The following ZNF385D variants were observed in gnomAD, a reference collection of about 807,000 sequenced individuals.
ZNF385D encodes zinc finger protein 659.
A neutral mutation model predicts 35.8 loss-of-function variants in ZNF385D; 15 were observed. The observed-to-expected ratio is 0.42, with a 90% CI of 0.28 to 0.64. The LOEUF (loss-of-function observed/expected upper bound fraction) is 0.64, where lower values mean the gene tolerates loss of function less well. Ranked by LOEUF, ZNF385D falls within the 30% of genes least tolerant of loss-of-function variation. ZNF385D has a pLI of 0.23. For missense variants in ZNF385D, 474 were observed against 494.6 expected (o/e 0.96, Z 0.39); for synonymous variants, 212 against 186.8 (o/e 1.13, Z -1.10).
At chr3:21,700,126 G>A (rs770755090) in intron 1 of ZNF385D, among the ~76,000 whole-genome samples, 9 of 152,102 alleles carry the variant, frequency 5.9e-5, no homozygotes, top group African/African-American at 1.4e-4. Context: ...ATGAGCCACT[G>A]CTCTCAGCCC....
At chr3:21,687,862 A>T (rs904744973) in intron 1 of ZNF385D, among the ~76,000 whole-genome samples, 1 of 152,172 alleles carries the variant, frequency 6.6e-6, no homozygotes, top group Non-Finnish European at 1.5e-5. Context: ...ATAAAGCCAT[A>T]TGGTTATTGT....
chr3:21,483,294 T>C (rs530073677), intron 4 of ZNF385D, among the ~76,000 whole-genome samples: 12 of 152,314 alleles, frequency 7.9e-5, no homozygotes, highest in African/African-American at 2.9e-4. Context: ...TTGAGATCTA[T>C]CCAAATTATA....
upstream of ZNF385D, among the ~76,000 whole-genome samples, chr3:21,753,785 G>GT (rs1559587710): frequency 8.8e-6 from 1 of 113,416 alleles, no homozygotes; most frequent in African/African-American, 2.9e-5. Context: ...TGTTGTTGTT[G>GT]TTGTTGTGTG....
chr3:22,087,907 C>T (rs1701130065), intron 3 of ZNF385D, among the ~76,000 whole-genome samples: 1 of 152,104 alleles, frequency 6.6e-6, no homozygotes, highest in South Asian at 2.1e-4. Flanking sequence ...ACTTTTCTTT[C>T]TCATGTTTCC....
intron 3 of ZNF385D, among the ~76,000 whole-genome samples, chr3:22,109,487 C>T (rs1407501765): frequency 6.6e-6 from 1 of 152,104 alleles, no homozygotes; most frequent in Non-Finnish European, 1.5e-5. Context: ...CAGAAAGCAT[C>T]TTAGAGCTAC....
chr3:21,839,380 C>T (rs2630796), intron 3 of ZNF385D, among the ~76,000 whole-genome samples: 95,131 of 151,926 alleles, frequency 0.63, 30,407 homozygotes, highest in African/African-American at 0.74. Flanking sequence ...CTGTTACAAA[C>T]TCATCATAAA....
chr3:21,788,364 G>C (rs146123575), intron 3 of ZNF385D, among the ~76,000 whole-genome samples: 2,536 of 152,174 alleles, frequency 0.017, 79 homozygotes, highest in African/African-American at 0.057. Flanking sequence ...TGTAATCCCA[G>C]CTACTTGGGG....
chr3:21,822,375 C>T (rs1264566121), intron 3 of ZNF385D, among the ~76,000 whole-genome samples: 2 of 152,100 alleles, frequency 1.3e-5, no homozygotes, highest in Non-Finnish European at 2.9e-5. Flanking sequence ...CCCAGCCTGG[C>T]TAAACCAACT....
intron 2 of ZNF385D, among the ~76,000 whole-genome samples, chr3:21,660,188 T>G (rs555375710): frequency 3.0e-4 from 45 of 152,106 alleles, no homozygotes; most frequent in Non-Finnish European, 5.3e-4. Flanking sequence ...TAAAATCATA[T>G]TATACAGAGG....
intron 1 of ZNF385D, among the ~76,000 whole-genome samples, chr3:21,673,228 A>G (rs1470905018): frequency 1.3e-5 from 2 of 152,150 alleles, no homozygotes; most frequent in African/African-American, 4.8e-5. Flanking sequence ...ACTATTTTAA[A>G]TTTGAATGAA....
At position 21,751,180 on chromosome 3, in the gene ZNF385D, A is replaced by G; in HGVS notation, c.-264T>C. ...TACTGTAATCCGACTCCTCCTTGCG[A>G]TGTCCTTGCCGCGCCTGTGACATCA... On this transcript the variant is annotated 5_prime_UTR_variant, in exon 1 of 8. Coordinates refer to ENST00000281523, the MANE Select transcript of ZNF385D (RefSeq NM_024697.3). 7.2e-7 allele frequency: 1 copy of G among 1,389,052 alleles called. No homozygotes were observed. The allele number at this position is 1,389,052 out of a possible 1,614,324, so 86.0% of individuals were successfully genotyped here.
chr3:21,521,507 C>G (rs1225138460), intron 3 of ZNF385D, among the ~76,000 whole-genome samples: 1 of 152,162 alleles, frequency 6.6e-6, no homozygotes, highest in African/African-American at 2.4e-5. Context: ...AATCCCAGCA[C>G]TTTGGGAGGC....
intron 2 of ZNF385D, among the ~76,000 whole-genome samples, chr3:21,636,700 G>T: frequency 6.6e-6 from 1 of 151,626 alleles, no homozygotes; most frequent in Non-Finnish European, 1.5e-5. Flanking sequence ...CCAGCCCACT[G>T]ACTCAAATGT....
At chr3:21,472,071 C>T (rs1044085274) in intron 4 of ZNF385D, among the ~76,000 whole-genome samples, 1 of 152,036 alleles carries the variant, frequency 6.6e-6, no homozygotes, top group Non-Finnish European at 1.5e-5. Flanking sequence ...TTTTATGTTA[C>T]GCTCGTCAAT....
intron 4 of ZNF385D, among the ~76,000 whole-genome samples, chr3:21,508,906 A>G (rs1007710327): frequency 1.3e-5 from 2 of 151,460 alleles, no homozygotes; most frequent in African/African-American, 4.8e-5. Context: ...CTAGTCTCTA[A>G]GTTAAGAGAT....
intron 3 of ZNF385D, among the ~76,000 whole-genome samples, chr3:21,871,728 G>A (rs1347779176): frequency 6.6e-6 from 1 of 152,042 alleles, no homozygotes; most frequent in South Asian, 2.1e-4. Flanking sequence ...ACTCCAGGCC[G>A]GGCGCAGTGG....
intron 3 of ZNF385D, among the ~76,000 whole-genome samples, chr3:21,837,809 T>C (rs913447865): frequency 6.0e-5 from 9 of 149,652 alleles, no homozygotes; most frequent in Non-Finnish European, 1.0e-4. Flanking sequence ...GAGGTGGAGG[T>C]TGCAGTGAGC....
intron 3 of ZNF385D, among the ~76,000 whole-genome samples, chr3:22,155,443 A>G (rs1002790887): frequency 3.9e-5 from 6 of 152,086 alleles, no homozygotes; most frequent in African/African-American, 1.4e-4. Context: ...GGGAAGGAAA[A>G]TATTTTATGG....
intron 3 of ZNF385D, among the ~76,000 whole-genome samples, chr3:22,116,264 A>G (rs1702807004): frequency 6.6e-6 from 1 of 152,064 alleles, no homozygotes; most frequent in Non-Finnish European, 1.5e-5. Context: ...GGATGTCTAC[A>G]TTTGACACTT....
Sources: allele counts gnomAD v4.1 joint callset (sites outside exome capture counted in the v4.1 genomes callset), GRCh38; gene constraint gnomAD v4.1.1; transcripts MANE v1.5; gene names NCBI Gene and HGNC (gene_info 2026-07-23, HGNC 2026-07-21).